The following ZNF283 variants were observed in gnomAD, a reference collection of about 807,000 sequenced individuals.
ZNF283 encodes zinc finger protein 283.
Under a neutral mutation model 9.2 loss-of-function variants are expected in ZNF283, and 10 were observed. The ratio of observed to expected loss-of-function variants is 1.09; its 90% CI spans 0.67 to 1.85. ZNF283 has a LOEUF of 1.85. ZNF283 is among the 40% of genes most tolerant of loss of function. The pLI is 0.00. For synonymous variants in ZNF283, 234 were observed against 244.1 expected (o/e 0.96, Z 0.38); for missense variants, 631 against 760.1 (o/e 0.83, Z 2.00).
chr19:43,831,459 A>G, intron 3 of ZNF283, 78 bp downstream of exon 3: 1 of 1,122,948 alleles, frequency 8.9e-7, no homozygotes, highest in Non-Finnish European at 1.3e-6. Flanking sequence ...ACTGGAATAT[A>G]TTCCTCCTGT....
chr19:43,850,353 G>T lies in ZNF283; in HGVS notation c.*1712G>T, dbSNP rs531459566. 3 of 152,032 alleles carry T rather than the reference G, an allele frequency of 2.0e-5. No homozygotes were observed. The highest frequency in any genetic ancestry group is 1.3e-4 in the Admixed American group (2 of 15,270). The allele number at this position is 152,032 out of a possible 1,614,324, so 9.4% of individuals were successfully genotyped here. On this transcript the variant is annotated 3_prime_UTR_variant, in exon 7 of 7. Transcript: ENST00000618787. ...CTTATGGTAACTACTGGAGTTGTCT[G>T]TTATAAAGATCCATTATATACCTAA...
chr19:43,837,025 CAAGT>C (rs1295787817), intron 5 of ZNF283, 24 bp from the exon 6 acceptor site: 2 of 1,610,772 alleles, frequency 1.2e-6, no homozygotes, highest in Non-Finnish European at 1.7e-6. Context: ...TTTAATTTCA[CAAGT>C]AATACATGGG....
At chr19:43,836,579 G>T (rs951161488) in intron 5 of ZNF283, among the ~76,000 whole-genome samples, 2 of 152,168 alleles carry the variant, frequency 1.3e-5, no homozygotes, top group Non-Finnish European at 2.9e-5. Context: ...GACCTCAAGT[G>T]ATTTGCCTGC....
At chr19:43,831,261 A>G (rs1264689340) in intron 2 of ZNF283, 57 bp from the exon 3 acceptor site, 6 of 1,281,720 alleles carry the variant, frequency 4.7e-6, no homozygotes, top group Non-Finnish European at 6.6e-6. Context: ...GTTTATGCAC[A>G]TTTATTTTCT....
In ZNF283 at chr19:43,847,726, T is replaced by C. The variant is rs748096262; in HGVS notation, c.1125T>C (p.Tyr375=). 6.8e-6 allele frequency: 11 copies of C among 1,613,738 alleles called. No individual in the cohort carries two copies. The highest frequency in any genetic ancestry group is 9.3e-6 in the Non-Finnish European group (11 of 1,179,864). ...AAATCCATACTGGTAAGAAACCTTA[T>C]GAATGTAAAATATGTGGAAAGGCTT... The part of the protein sequence containing the change: ...HQKIHTGKKP[Y]ECKICGKAFC... The change falls in exon 7 of 7, where the codon TAT becomes TAC. Residue 375 remains tyrosine (Y), a synonymous_variant. Coordinates refer to ENST00000618787, the MANE Select transcript of ZNF283 (RefSeq NM_181845.2).
rs1971507927 is a variant in ZNF283, at chr19:43,848,402, T to C, written c.1801T>C (p.Cys601Arg). 1 of 1,613,874 alleles carries C rather than the reference T, an allele frequency of 6.2e-7. No homozygotes were observed. Among genetic ancestry groups the C allele is most frequent in the African/African-American group, 1.3e-5 (1 of 74,890 alleles). ...CCATACTAATGAGAAGTCTTATGAA[T>C]GTAAAGACTGTGGGAAGGCCTTTGG... The part of the protein sequence containing the change: ...RVHTNEKSYE[C>R]KDCGKAFGSG... Residue 601 changes from cysteine (C) to arginine (R), a missense_variant, in exon 7 of 7, where the codon TGT (cysteine) becomes CGT (arginine). By Grantham distance (180) the Cys-to-Arg change is radical. Transcript: ENST00000618787.
intron 6 of ZNF283, among the ~76,000 whole-genome samples, chr19:43,838,432 CA>C (rs1393229589): frequency 6.6e-6 from 1 of 152,126 alleles, no homozygotes; most frequent in Non-Finnish European, 1.5e-5. Context: ...TCGAGACCAG[CA>C]TGGGCAGCAT....
rs1036788196 is a variant in ZNF283, at chr19:43,848,815, A to G, written c.*174A>G. The stretch of plus-strand genomic sequence containing the variant: ...CATACTAGTGAGAAATATTTTGAAT[A>G]TAATTAATATGAAAAGGCCTTTAGA... On this transcript the variant is annotated 3_prime_UTR_variant, in exon 7 of 7. Coordinates refer to ENST00000618787, the MANE Select transcript of ZNF283 (RefSeq NM_181845.2). 1.2e-5 allele frequency: 7 copies of G among 567,808 alleles called. No individual in the cohort carries two copies. Among genetic ancestry groups the G allele is most frequent in the Non-Finnish European group, 1.7e-5 (6 of 349,194 alleles). The allele number at this position is 567,808 out of a possible 1,614,324, so 35.2% of individuals were successfully genotyped here. A position where few individuals can be genotyped will look rare whatever the true frequency, so the allele number is the denominator to read the frequency against.
chr19:43,847,568 G>C lies in ZNF283; in HGVS notation c.967G>C (p.Glu323Gln). Residue 323 changes from glutamate (E) to glutamine (Q), a missense_variant, in exon 7 of 7, where the codon GAA (glutamate) becomes CAA (glutamine). Glu to Gln is a conservative substitution (Grantham distance 29). Transcript: ENST00000618787. ...HTGVKSYKCK[E>Q]CGKAFFWGSS... ...TGGTGTGAAATCTTATAAATGTAAGGAATGTGGGAAGGCCTTTTTTTGGGG... is the reference window on the plus strand; with the variant it reads ...TGGTGTGAAATCTTATAAATGTAAGCAATGTGGGAAGGCCTTTTTTTGGGG... 6.2e-7 allele frequency: 1 copy of C among 1,607,972 alleles called. No individual in the cohort carries two copies. Among genetic ancestry groups the C allele is most frequent in the Non-Finnish European group, 8.5e-7 (1 of 1,176,500 alleles).
At chr19:43,829,384 C>T (rs1970606966) in intron 2 of ZNF283, among the ~76,000 whole-genome samples, 2 of 152,068 alleles carry the variant, frequency 1.3e-5, no homozygotes, top group East Asian at 1.9e-4. Flanking sequence ...GACTCCATCT[C>T]GAAAAAACAG....
chr19:43,840,190 C>A (rs76815732), intron 6 of ZNF283, among the ~76,000 whole-genome samples: 1,684 of 152,104 alleles, frequency 0.011, 28 homozygotes, highest in Non-Finnish European at 0.014. Flanking sequence ...CAGTTAGTAC[C>A]AGACAAAGAT....
At position 43,848,605 on chromosome 19, in the gene ZNF283, C is replaced by T. The variant is rs1223108206; in HGVS notation, c.2004C>T (p.Tyr668=). The change falls in exon 7 of 7, where the codon TAC becomes TAT. Residue 668 remains tyrosine (Y), a synonymous_variant. Coordinates refer to ENST00000618787, the MANE Select transcript of ZNF283 (RefSeq NM_181845.2). Reference sequence around the variant, plus strand: ...GGGAAGCCTTTCTGTGGACAACTTACTCAAATGAGAAAATTGATACTGATG... The same window carrying T: ...GGGAAGCCTTTCTGTGGACAACTTATTCAAATGAGAAAATTGATACTGATG... ...ECGEAFLWTT[Y]SNEKIDTDET... 1.9e-6 allele frequency: 3 copies of T among 1,572,050 alleles called. No individual in the cohort carries two copies. Among genetic ancestry groups the T allele is most frequent in the East Asian group, 4.5e-5 (2 of 44,306 alleles).
chr19:43,842,150 AC>A (rs1971237885), intron 6 of ZNF283, among the ~76,000 whole-genome samples: 1 of 152,162 alleles, frequency 6.6e-6, no homozygotes, highest in South Asian at 2.1e-4. Flanking sequence ...GCCACCAGTC[AC>A]GGAGGTGCAA....
rs1555735935 is a variant in ZNF283 at position 43,848,189 on chromosome 19, C to T, written c.1588C>T (p.Leu530Phe). The T allele has an allele frequency of 1.1e-5, 18 of 1,613,746 alleles. No individual in the cohort carries two copies. The South Asian group carries it at 1.9e-4, about 17-fold the overall frequency. ...CGKAFNCGSS[L>F]VQHERIHTGE... ...GAAGGCTTTTAATTGTGGATCAAGC[C>T]TTGTTCAACATGAAAGAATCCATAC... is the stretch of plus-strand genomic sequence containing the variant. Residue 530 changes from leucine (L) to phenylalanine (F), a missense_variant, in exon 7 of 7, where the codon CTT becomes TTT. Physicochemically the swap from Leu to Phe is conservative, Grantham distance 22. Coordinates refer to ENST00000618787, the MANE Select transcript of ZNF283 (RefSeq NM_181845.2).
intron 3 of ZNF283, among the ~76,000 whole-genome samples, chr19:43,833,183 C>G (rs1199285441): frequency 6.6e-6 from 1 of 152,122 alleles, no homozygotes; most frequent in Non-Finnish European, 1.5e-5. Context: ...GGATAACTAT[C>G]AAGCTCAAAT....
chr19:43,837,495 C>T (rs937392725), intron 6 of ZNF283: 1 of 391,238 alleles, frequency 2.6e-6, no homozygotes, highest in African/African-American at 2.1e-5. Context: ...ATAAATTCTG[C>T]AAATATTATA....
At position 43,847,353 on chromosome 19, in the gene ZNF283, A is replaced by C; in HGVS notation, c.752A>C (p.Asn251Thr). 1.2e-6 allele frequency: 2 copies of C among 1,613,866 alleles called. No individual in the cohort carries two copies. Among genetic ancestry groups the C allele is most frequent in the South Asian group, 1.1e-5 (1 of 91,064 alleles). The change falls in exon 7 of 7, where the codon AAT (asparagine) becomes ACT (threonine). Residue 251 changes from asparagine (N) to threonine (T), a missense_variant. Physicochemically the swap from Asn to Thr is moderately conservative, Grantham distance 65 (BLOSUM62 0). Around this residue, in one of 3 missense-constraint regions of ZNF283, gnomAD observed 444 missense variants for 522.5 expected, o/e 0.85. Transcript: ENST00000618787. ...GKNYLSAYQLNVHQRFHTGEK... is the reference protein window; with the variant it reads ...GKNYLSAYQLTVHQRFHTGEK... Reference sequence around the variant, plus strand: ...AATTATTTAAGTGCCTATCAACTCAATGTGCATCAGAGATTTCATACTGGT... The same window carrying C: ...AATTATTTAAGTGCCTATCAACTCACTGTGCATCAGAGATTTCATACTGGT...
chr19:43,839,764 CT>C (rs999539353), intron 6 of ZNF283, among the ~76,000 whole-genome samples: 32 of 151,676 alleles, frequency 2.1e-4, no homozygotes, highest in African/African-American at 6.5e-4. Flanking sequence ...TGTTTGGTTC[CT>C]TTTTTTTATA....
rs774024556 is a variant in ZNF283 at position 43,847,784 on chromosome 19, A to C, written c.1183A>C (p.Ile395Leu). ...GGGCTATCAACTTACTCGACATCAG[A>C]TATTTCATACTGGTGAGAAACCCTA... is the stretch of plus-strand genomic sequence containing the variant. ...CWGYQLTRHQ[I>L]FHTGEKPYEC... is the part of the protein sequence containing the mutation. The change falls in exon 7 of 7, where the codon ATA (isoleucine) becomes CTA (leucine). Residue 395 changes from isoleucine to leucine, a missense_variant. By Grantham distance (5) the Ile-to-Leu change is conservative. Coordinates refer to ENST00000618787, the MANE Select transcript of ZNF283 (RefSeq NM_181845.2). 1.9e-6 allele frequency: 3 copies of C among 1,613,728 alleles called. No individual in the cohort carries two copies. The highest frequency in any genetic ancestry group is 2.5e-6 in the Non-Finnish European group (3 of 1,179,920).
Sources: gnomAD v4.1 joint callset for allele counts (sites outside exome capture counted in the v4.1 genomes callset) on GRCh38, gnomAD v4.1.1 for gene constraint, gnomAD v4.1.1 regional missense constraint, MANE v1.5 for transcripts, NCBI Gene and HGNC (gene_info 2026-07-23, HGNC 2026-07-21) for gene names.